Variants in PCDHGA12 observed in about 807,000 individuals in gnomAD.
PCDHGA12 encodes protocadherin gamma-A12.
PCDHGA12 carries 43 observed loss-of-function variants against 61.1 expected under a neutral mutation model. That is an observed-to-expected ratio of 0.70 (90% CI 0.55 to 0.91). The LOEUF (loss-of-function observed/expected upper bound fraction) is 0.91. Ranked by LOEUF, PCDHGA12 falls within the 40% of genes least tolerant of loss-of-function variation. The pLI is 0.00. For missense variants in PCDHGA12, 1,236 were observed against 1,227.7 expected, an observed-to-expected ratio of 1.01 and a Z score of -0.10; for synonymous variants, 520 against 542.9, an observed-to-expected ratio of 0.96 and a Z score of 0.59.
At position 141,493,396 on chromosome 5, in the gene PCDHGA12, G is replaced by A. The variant is rs562217310; in HGVS notation, c.2425-1411G>A. 1.3e-5 allele frequency among the ~76,000 whole-genome samples: 2 copies of A among 152,274 alleles called. No homozygotes were observed. Among genetic ancestry groups the A allele is most frequent in the East Asian group, 3.9e-4 (2 of 5,178 alleles). The stretch of plus-strand genomic sequence containing the variant: ...TTTAAAAGCTTGAGGACAGGAGAGG[G>A]GAGTTGCCTCTGCTGGGATTTTGCT... On this transcript the variant is annotated intron_variant, in intron 1 of 3. Transcript: ENST00000252085. This position sits in a 1 kb window ranked among gnomAD's most constrained non-coding sequence, Gnocchi z 4.3.
chr5:141,435,027 AC>A (rs1485237615), intron 1 of PCDHGA12, among the ~76,000 whole-genome samples: 1 of 151,978 alleles, frequency 6.6e-6, no homozygotes, highest in Non-Finnish European at 1.5e-5. Flanking sequence ...CTCTTTTCCC[AC>A]TTTTATTTTT....
chr5:141,430,691 G>C lies in PCDHGA12; in HGVS notation c.-69G>C, dbSNP rs1479214920. The C allele has an allele frequency of 1.4e-6, 2 of 1,416,472 alleles. No homozygotes were observed. Among genetic ancestry groups the C allele is most frequent in the Non-Finnish European group, 1.9e-6 (2 of 1,066,104 alleles). The allele number at this position is 1,416,472 out of a possible 1,614,324, so 87.7% of individuals were successfully genotyped here. A position where few individuals can be genotyped will look rare whatever the true frequency, so the allele number is the denominator to read the frequency against. On this transcript the variant is annotated 5_prime_UTR_variant, in exon 1 of 4. Coordinates refer to ENST00000252085, the MANE Select transcript of PCDHGA12 (RefSeq NM_003735.3). ...GACTTCCCAACTGTCCCATTCTATG[G>C]GCGAAGGAACTGCTCCTGACTTCAG... is the stretch of plus-strand genomic sequence containing the variant.
intron 1 of PCDHGA12, among the ~76,000 whole-genome samples, chr5:141,483,015 G>A (rs916071219): frequency 2.0e-5 from 3 of 152,044 alleles, no homozygotes; most frequent in African/African-American, 7.2e-5. Context: ...AACCCGGGAG[G>A]CAGAGGTTGC....
At position 141,512,815 on chromosome 5, in the gene PCDHGA12, A is replaced by AC. The variant is rs1215322144; in HGVS notation, c.*1647dup. ...TGTGCTGTGTCCACGCGCTAAGGCG[A>AC]CCCCCTCCCCCGTACTGACTTCTCC... is the stretch of plus-strand genomic sequence containing the variant. On this transcript the variant is annotated 3_prime_UTR_variant, in exon 4 of 4. Coordinates refer to ENST00000252085, the MANE Select transcript of PCDHGA12 (RefSeq NM_003735.3). The AC allele has an allele frequency of 6.7e-6, 1 of 149,682 alleles. No homozygotes were observed. The highest frequency in any genetic ancestry group is 1.5e-5 in the Non-Finnish European group (1 of 67,474). 9.3% of individuals were successfully genotyped at this position (149,682 alleles called of 1,614,324 possible).
chr5:141,492,919 C>A (rs1019663003), intron 1 of PCDHGA12, among the ~76,000 whole-genome samples: 1 of 152,192 alleles, frequency 6.6e-6, no homozygotes, highest in Non-Finnish European at 1.5e-5. Context: ...ATGTGCCCAG[C>A]GATCTAGGGT....
rs1242637725 is a variant in PCDHGA12 at position 141,432,619 on chromosome 5, T to G, written c.1860T>G (p.Gly620=). 3.1e-6 allele frequency: 5 copies of G among 1,612,618 alleles called. No homozygotes were observed. The highest frequency in any genetic ancestry group is 1.7e-5 in the Admixed American group (1 of 59,934). Residue 620 remains glycine (G), a synonymous_variant, in exon 1 of 4, where the codon GGT becomes GGG. Transcript: ENST00000252085. This position sits in a 1 kb window ranked among gnomAD's most constrained non-coding sequence, Gnocchi z 6.0. ...KASEPGLFSV[G]LHTGEVRTAR... ...GCGAGCCGGGACTCTTCTCGGTGGG[T>G]CTGCACACGGGCGAGGTGCGCACGG... is the stretch of plus-strand genomic sequence containing the variant.
intron 1 of PCDHGA12, among the ~76,000 whole-genome samples, chr5:141,455,594 G>A (rs1263100982): frequency 6.6e-6 from 1 of 152,112 alleles, no homozygotes; most frequent in Non-Finnish European, 1.5e-5. Context: ...ATATGCAAAC[G>A]TAGGGCGCCA....
intron 1 of PCDHGA12, chr5:141,468,667 CCATCCTGGCTAA>C (rs2099172391): frequency 6.7e-6 from 1 of 149,836 alleles, no homozygotes; most frequent in African/African-American, 2.5e-5. Flanking sequence ...GAGATCAAGA[CCATCCTGGCTAA>C]CACGGTGAAA....
chr5:141,446,088 T>C (rs2098487177), intron 1 of PCDHGA12, among the ~76,000 whole-genome samples: 1 of 152,100 alleles, frequency 6.6e-6, no homozygotes, highest in African/African-American at 2.4e-5. Flanking sequence ...TAGAAATAAA[T>C]GGATGAATTA....
chr5:141,457,579 A>G (rs557894260), intron 1 of PCDHGA12, among the ~76,000 whole-genome samples: 123 of 152,346 alleles, frequency 8.1e-4, no homozygotes, highest in Non-Finnish European at 1.4e-3. Flanking sequence ...TTTTCTCTCC[A>G]GTCCTCATTT....
Position 141,432,943 on chromosome 5 carries a change from A to G in PCDHGA12, c.2184A>G (p.Ser728=), listed in dbSNP as rs1200038728. ...ACAAGTCACGCCTGCTGCAGGCTTC[A>G]GGAGGCGGCTTGACAGGAGCGCCGG... ...RWHKSRLLQA[S]GGGLTGAPAS... is the part of the protein sequence containing the mutation. The change falls in exon 1 of 4, where the codon TCA becomes TCG. Residue 728 remains serine (S), a synonymous_variant. Transcript: ENST00000252085. This position sits in a 1 kb window ranked among gnomAD's most constrained non-coding sequence, Gnocchi z 6.0. 5.6e-6 allele frequency: 9 copies of G among 1,614,168 alleles called. No homozygotes were observed. The highest frequency in any genetic ancestry group is 1.7e-4 in the Middle Eastern group (1 of 6,060).
chr5:141,435,897 A>G (rs1206255678), intron 1 of PCDHGA12, among the ~76,000 whole-genome samples: 2 of 152,166 alleles, frequency 1.3e-5, no homozygotes, highest in East Asian at 1.9e-4. Context: ...TAGAGAATGA[A>G]AGACATCCAA....
chr5:141,433,245 A>C, intron 1 of PCDHGA12, 62 bp downstream of exon 1: 3 of 1,459,776 alleles, frequency 2.1e-6, no homozygotes, highest in Non-Finnish European at 2.8e-6. Context: ...CCAAGCTGGA[A>C]TGCAGCGGTA....
intron 1 of PCDHGA12, among the ~76,000 whole-genome samples, chr5:141,452,103 TTTCTC>T (rs1428635203): frequency 1.3e-5 from 2 of 152,186 alleles, no homozygotes; most frequent in African/African-American, 4.8e-5. Context: ...AGAGCTTTCT[TTTCTC>T]TTCTTATTTA....
intron 1 of PCDHGA12, among the ~76,000 whole-genome samples, chr5:141,447,542 T>G (rs980012061): frequency 1.3e-5 from 2 of 152,216 alleles, no homozygotes; most frequent in African/African-American, 4.8e-5. Context: ...TGGGTTTTAA[T>G]GTTATGAGTA....
chr5:141,441,923 C>A, intron 1 of PCDHGA12: 2 of 351,136 alleles, frequency 5.7e-6, no homozygotes, highest in Non-Finnish European at 5.5e-6. Context: ...AGACACAATG[C>A]GTGGCTGTCC....
In PCDHGA12 at chr5:141,485,178, T is replaced by A; in HGVS notation, c.2425-9629T>A. The stretch of plus-strand genomic sequence containing the variant: ...GAGAATTAGCGGGCGGCAGCAATGC[T>A]CCGCAAGGTGAGAAGCTGGACAGAA... On this transcript the variant is annotated intron_variant, in intron 1 of 3. Transcript: ENST00000252085. This position sits in a 1 kb window ranked among gnomAD's most constrained non-coding sequence, Gnocchi z 5.7. 1.2e-6 allele frequency: 2 copies of A among 1,612,400 alleles called. No homozygotes were observed. Among genetic ancestry groups the A allele is most frequent in the Non-Finnish European group, 1.7e-6 (2 of 1,178,628 alleles).
chr5:141,465,800 C>G (rs1486100601), intron 1 of PCDHGA12, among the ~76,000 whole-genome samples: 2 of 151,524 alleles, frequency 1.3e-5, no homozygotes, highest in East Asian at 3.9e-4. Flanking sequence ...TTTAAGAAAC[C>G]CTTCAGGATC....
intron 2 of PCDHGA12, among the ~76,000 whole-genome samples, chr5:141,497,132 G>T (rs2099774325): frequency 6.6e-6 from 1 of 152,046 alleles, no homozygotes; most frequent in Non-Finnish European, 1.5e-5. Context: ...GTTGCAGTGA[G>T]CTGAGATCAC....
Sources: allele counts gnomAD v4.1 joint callset (sites outside exome capture counted in the v4.1 genomes callset), GRCh38; gene constraint gnomAD v4.1.1; non-coding constraint Gnocchi (gnomAD v3.1); transcripts MANE v1.5; gene names NCBI Gene and HGNC (gene_info 2026-07-23, HGNC 2026-07-21).